The following SIPA1L3 variants were observed in gnomAD, a reference collection of about 807,000 sequenced individuals.
SIPA1L3 encodes the protein signal-induced proliferation-associated 1-like protein 3.
SIPA1L3 carries 59 observed loss-of-function variants against 150.1 expected under a neutral mutation model. That is an observed-to-expected ratio of 0.39 (90% CI 0.32 to 0.49). SIPA1L3 has a LOEUF of 0.49. Among genes scored for constraint, SIPA1L3 ranks in the 20% least tolerant of loss-of-function variants. SIPA1L3 has a pLI of 0.86. For synonymous variants in SIPA1L3, 1,070 were observed against 1,077.6 expected, an observed-to-expected ratio of 0.99 and a Z score of 0.14; for missense variants, 2,211 against 2,489.5, an observed-to-expected ratio of 0.89 and a Z score of 2.38.
At chr19:37,986,305 C>G (rs1180882733) in intron 1 of SIPA1L3, among the ~76,000 whole-genome samples, 2 of 152,368 alleles carry the variant, frequency 1.3e-5, no homozygotes, top group Admixed American at 6.5e-5. Context: ...GAAAAGTGCA[C>G]ACAGGATGTG....
intron 10 of SIPA1L3, among the ~76,000 whole-genome samples, chr19:38,134,296 A>T (rs1971381677): frequency 6.6e-6 from 1 of 151,134 alleles, no homozygotes; most frequent in Admixed American, 6.6e-5. Flanking sequence ...AATTTTTAAA[A>T]ATCAGCTAGG....
At chr19:38,040,621 T>C (rs1382638893) in intron 2 of SIPA1L3, among the ~76,000 whole-genome samples, 4 of 152,248 alleles carry the variant, frequency 2.6e-5, no homozygotes, top group African/African-American at 9.6e-5. Context: ...AGTGGCACTT[T>C]GCTTTGAGAC....
chr19:38,102,156 C>T (rs1272255393), intron 6 of SIPA1L3, among the ~76,000 whole-genome samples: 1 of 151,210 alleles, frequency 6.6e-6, no homozygotes, highest in African/African-American at 2.4e-5. Flanking sequence ...AAGGAGTTCT[C>T]CTGCCTCAGC....
At chr19:38,081,178 A>G (rs1344727946) in intron 2 of SIPA1L3, 78 bp from the exon 3 acceptor site, 7 of 403,016 alleles carry the variant, frequency 1.7e-5, no homozygotes, top group Non-Finnish European at 3.1e-5. Flanking sequence ...AAGGCTGTCA[A>G]GAAAAGTCAC....
chr19:38,025,971 G>C (rs1168483191), intron 1 of SIPA1L3, among the ~76,000 whole-genome samples: 6 of 152,194 alleles, frequency 3.9e-5, no homozygotes, highest in Non-Finnish European at 7.3e-5. Context: ...TAAATGGCCT[G>C]GTAGGGAGCT....
chr19:38,094,652 G>A (rs1970336741), intron 4 of SIPA1L3, among the ~76,000 whole-genome samples: 1 of 152,196 alleles, frequency 6.6e-6, no homozygotes, highest in South Asian at 2.1e-4. Flanking sequence ...TTAAAACTCA[G>A]CTAGGTGCAG....
chr19:37,958,088 T>G (rs1284561235), intron 1 of SIPA1L3, among the ~76,000 whole-genome samples: 4 of 152,166 alleles, frequency 2.6e-5, no homozygotes, highest in Non-Finnish European at 5.9e-5. Context: ...CCTTTAAAGT[T>G]TTTTTTACCT....
At chr19:38,131,922 G>A (rs1343086094) in intron 10 of SIPA1L3, among the ~76,000 whole-genome samples, 1 of 151,802 alleles carries the variant, frequency 6.6e-6, no homozygotes, top group Non-Finnish European at 1.5e-5. Context: ...GTGAGCCACT[G>A]CGTCCAGCCA....
intron 10 of SIPA1L3, among the ~76,000 whole-genome samples, chr19:38,136,095 A>G (rs1971428077): frequency 7.1e-6 from 1 of 141,840 alleles, no homozygotes; most frequent in Admixed American, 7.4e-5. Context: ...TTTTCAGACG[A>G]AGTTTCACTC....
chr19:38,084,411 A>T (rs1246358055), intron 3 of SIPA1L3, among the ~76,000 whole-genome samples: 1 of 152,064 alleles, frequency 6.6e-6, no homozygotes, highest in African/African-American at 2.4e-5. Flanking sequence ...CTCCGGCATA[A>T]ATGCGTTAAA....
intron 1 of SIPA1L3, among the ~76,000 whole-genome samples, chr19:38,006,523 A>G (rs113611017): frequency 1.3e-5 from 2 of 152,326 alleles, no homozygotes; most frequent in African/African-American, 4.8e-5. Flanking sequence ...CTGTAGAAAC[A>G]GGAAATGCGT....
intron 1 of SIPA1L3, among the ~76,000 whole-genome samples, chr19:37,989,665 CT>C (rs74174502): frequency 0.039 from 5,000 of 127,512 alleles, 103 homozygotes; most frequent in African/African-American, 0.08. Flanking sequence ...AGGATGAATT[CT>C]TTTTTTTTTT....
chr19:37,969,456 G>C (rs2046934098), intron 1 of SIPA1L3, among the ~76,000 whole-genome samples: 1 of 151,850 alleles, frequency 6.6e-6, no homozygotes, highest in African/African-American at 2.4e-5. Context: ...GGAGGCTGAG[G>C]CATGAGAATT....
At position 38,199,198 on chromosome 19, in the gene SIPA1L3, A is replaced by T. The variant is rs190252267; in HGVS notation, c.4984+666A>T. On this transcript the variant is annotated intron_variant, in intron 19 of 21. Transcript: ENST00000222345. ...CTTTATGTGCTGGAAGTCCGTGCTG[A>T]CGGGGCCAGGCAGCTGTGGCATCTC... is the stretch of plus-strand genomic sequence containing the variant. 3.4e-3 allele frequency among the ~76,000 whole-genome samples: 518 copies of T among 152,256 alleles called. 2 individuals are homozygous for T. The highest frequency in any genetic ancestry group is 0.012 in the African/African-American group (499 of 41,542).
At chr19:38,136,183 C>CAAAAT (rs1439432815) in intron 10 of SIPA1L3, among the ~76,000 whole-genome samples, 1,704 of 44,132 alleles carry the variant, frequency 0.039, 102 homozygotes, top group African/African-American at 0.13. Flanking sequence ...GAGACTGTCT[C>CAAAAT]AAAAAAAAAA....
At chr19:38,179,762 C>T (rs1487834391) in intron 15 of SIPA1L3, among the ~76,000 whole-genome samples, 1 of 152,062 alleles carries the variant, frequency 6.6e-6, no homozygotes, top group Non-Finnish European at 1.5e-5. Flanking sequence ...TATTTTAAAC[C>T]ACAGTTTGCC....
chr19:38,144,702 C>G (rs1460511058), intron 12 of SIPA1L3, among the ~76,000 whole-genome samples: 4 of 152,192 alleles, frequency 2.6e-5, no homozygotes, highest in Admixed American at 2.0e-4. Context: ...TCTGGCGTGC[C>G]AGGAGGAGTA....
At chr19:38,045,581 A>AT (rs368201467) in intron 2 of SIPA1L3, among the ~76,000 whole-genome samples, 1 of 152,086 alleles carries the variant, frequency 6.6e-6, no homozygotes, top group Non-Finnish European at 1.5e-5. Context: ...CAGGAAAAAA[A>AT]GAAAGAAAAA....
intron 2 of SIPA1L3, among the ~76,000 whole-genome samples, chr19:38,039,284 T>C (rs1468103789): frequency 1.3e-5 from 2 of 151,942 alleles, no homozygotes; most frequent in Non-Finnish European, 2.9e-5. Context: ...CTGGTGTGTG[T>C]CTTCCAGATT....
Sources: gnomAD v4.1 joint callset for allele counts (sites outside exome capture counted in the v4.1 genomes callset) on GRCh38, gnomAD v4.1.1 for gene constraint, MANE v1.5 for transcripts, NCBI Gene and HGNC (gene_info 2026-07-23, HGNC 2026-07-21) for gene names.